Variants in MAST1 observed in about 807,000 individuals in gnomAD.
The protein encoded by MAST1 is microtubule associated serine/threonine kinase 1.
A neutral mutation model predicts 124.6 loss-of-function variants in MAST1; 40 were observed. The ratio of observed to expected loss-of-function variants is 0.32; its 90% CI spans 0.25 to 0.42. The LOEUF (loss-of-function observed/expected upper bound fraction) is 0.42, where lower values mean the gene tolerates loss of function less well. MAST1 is among the 10% of genes least tolerant of loss of function. The pLI is 1.00. For missense variants in MAST1, 1,558 were observed against 2,181.9 expected, an observed-to-expected ratio of 0.71 and a Z score of 5.70; for synonymous variants, 938 against 939.4, an observed-to-expected ratio of 1.00 and a Z score of 0.03.
In MAST1 at chr19:12,874,768, C is replaced by T. The variant is rs749072598; in HGVS notation, c.4611C>T (p.Thr1537=). ...CCGCATCCCTCTTGGGCTCAGGCACCAAGCCTCAAGTGGGGCTGACCTCCC... is the reference window on the plus strand; with the variant it reads ...CCGCATCCCTCTTGGGCTCAGGCACTAAGCCTCAAGTGGGGCTGACCTCCC... ...VPPASLLGSG[T]KPQVGLTSRC... Residue 1537 remains threonine (T), a synonymous_variant, in exon 26 of 26, where the codon ACC becomes ACT. Transcript: ENST00000251472. This position sits in a 1 kb window ranked among gnomAD's most constrained non-coding sequence, Gnocchi z 6.6. 22 of 1,604,720 alleles carry T rather than the reference C, an allele frequency of 1.4e-5. 1 individual carries two copies. The South Asian group carries it at 1.4e-4, about 10-fold the overall frequency.
chr19:12,864,921 C>T lies in MAST1; in HGVS notation c.1479C>T (p.Ile493=), dbSNP rs372662342. The T allele has an allele frequency of 6.2e-6, 10 of 1,614,020 alleles. No individual in the cohort carries two copies. The highest frequency in any genetic ancestry group is 4.0e-5 in the African/African-American group (3 of 74,914). ...LALEYLHNYG[I]VHRDLKPDNL... is the part of the protein sequence containing the mutation. ...TGGAGTATTTGCACAACTATGGCATCGTGCACCGCGACCTCAAGCCTGACA... is the reference window on the plus strand; with the variant it reads ...TGGAGTATTTGCACAACTATGGCATTGTGCACCGCGACCTCAAGCCTGACA... Residue 493 remains isoleucine, a synonymous_variant, in exon 13 of 26, where the codon ATC becomes ATT. Coordinates refer to ENST00000251472, the MANE Select transcript of MAST1 (RefSeq NM_014975.3).
In MAST1 at chr19:12,873,298, C is replaced by T. The variant is rs772365636; in HGVS notation, c.3264-26C>T. The T allele has an allele frequency of 3.1e-6, 5 of 1,603,062 alleles. No homozygotes were observed. The East Asian group carries it at 6.7e-5, about 22-fold the overall frequency. Reference sequence around the variant, plus strand: ...TGAGCTCTGGCGTCCAGGTCAAGGACGCTTGGCCCCCTCCCTGTCCCGCAG... The same window carrying T: ...TGAGCTCTGGCGTCCAGGTCAAGGATGCTTGGCCCCCTCCCTGTCCCGCAG... On this transcript the variant is annotated intron_variant, in intron 24 of 25. Coordinates refer to ENST00000251472, the MANE Select transcript of MAST1 (RefSeq NM_014975.3).
chr19:12,851,676 G>C (rs1190162664), intron 7 of MAST1, among the ~76,000 whole-genome samples: 1 of 152,074 alleles, frequency 6.6e-6, no homozygotes, highest in Non-Finnish European at 1.5e-5. Context: ...AGTGGAGATG[G>C]GGTTTCACCA....
chr19:12,874,395 G>C lies in MAST1; in HGVS notation c.4238G>C (p.Ser1413Thr). 6.3e-7 allele frequency: 1 copy of C among 1,598,770 alleles called. No homozygotes were observed. The highest frequency in any genetic ancestry group is 8.5e-7 in the Non-Finnish European group (1 of 1,179,176). ...MARAVAKAAL[S>T]PVQEHETGRR... is the part of the protein sequence containing the mutation. ...AGGGCTGTGGCCAAGGCGGCGCTGA[G>C]CCCGGTGCAGGAACACGAGACAGGC... The change falls in exon 26 of 26, where the codon AGC becomes ACC. Residue 1413 changes from serine to threonine, a missense_variant. Physicochemically the swap from Ser to Thr is moderately conservative, Grantham distance 58. Around this residue, in one of 10 missense-constraint regions of MAST1, gnomAD observed 263 missense variants for 310.9 expected, o/e 0.85. Coordinates refer to ENST00000251472, the MANE Select transcript of MAST1 (RefSeq NM_014975.3). The surrounding 1 kb of genome is among the most constrained non-coding windows in gnomAD (Gnocchi z 6.6).
In MAST1 at chr19:12,838,627, G is replaced by C. The variant is rs771320929; in HGVS notation, c.55G>C (p.Gly19Arg). The C allele has an allele frequency of 6.2e-7, 1 of 1,609,354 alleles. No individual in the cohort carries two copies. Among genetic ancestry groups the C allele is most frequent in the South Asian group, 1.1e-5 (1 of 90,462 alleles). Residue 19 changes from glycine to arginine, a missense_variant, in exon 1 of 26, where the codon GGC (glycine) becomes CGC (arginine). Physicochemically the swap from Gly to Arg is moderately radical, Grantham distance 125 (BLOSUM62 -2). Around this residue, in one of 10 missense-constraint regions of MAST1, gnomAD observed 42 missense variants for 54.6 expected, o/e 0.77. Transcript: ENST00000251472. This position sits in a 1 kb window ranked among gnomAD's most constrained non-coding sequence, Gnocchi z 4.3. ...TAATTTCTCGATGCCCTCCTTCCCC[G>C]GCGGCAGTATGTTCCGCCGCACCAA... ...LSNFSMPSFP[G>R]GSMFRRTKSC...
intron 22 of MAST1, 112 bp from the exon 23 acceptor site, chr19:12,870,712 G>A (rs1970222512): frequency 2.7e-6 from 3 of 1,118,140 alleles, no homozygotes; most frequent in East Asian, 2.5e-5. Flanking sequence ...ATTTCACAAG[G>A]TGTTATGAGG....
intron 12 of MAST1, among the ~76,000 whole-genome samples, chr19:12,860,641 T>G (rs1468773103): frequency 6.6e-6 from 1 of 151,336 alleles, no homozygotes; most frequent in East Asian, 2.0e-4. Flanking sequence ...AAATAGGGTT[T>G]TCACCATGTT....
intron 10 of MAST1, among the ~76,000 whole-genome samples, chr19:12,852,849 A>AAAAAAT (rs1555742583): frequency 1.1e-4 from 16 of 151,542 alleles, no homozygotes; most frequent in African/African-American, 3.2e-4. Flanking sequence ...AACTGTCTCA[A>AAAAAAT]AAAATAAAAT....
Position 12,867,727 on chromosome 19 carries a change from C to A in MAST1, c.2319-3C>A. The A allele has an allele frequency of 6.5e-7, 1 of 1,531,118 alleles. No homozygotes were observed. The highest frequency in any genetic ancestry group is 1.4e-5 in the African/African-American group (1 of 71,902). 94.8% of individuals were successfully genotyped at this position (1,531,118 alleles called of 1,614,324 possible). ...CTTCCATAACCACGCCCCCTCCATG[C>A]AGCAAGCGATTCTCCGCGTCCGAGG... On this transcript the variant is annotated splice_region_variant and splice_polypyrimidine_tract_variant and intron_variant, in intron 19 of 25. Transcript: ENST00000251472.
intron 25 of MAST1, 30 bp downstream of exon 25, chr19:12,873,541 G>A (rs573861522): frequency 1.3e-6 from 2 of 1,588,814 alleles, no homozygotes; most frequent in South Asian, 2.2e-5. Flanking sequence ...CGCGGGGACC[G>A]AGCAGCGCGG....
Position 12,866,201 on chromosome 19 carries a change from C to A in MAST1, c.2029+99C>A. On this transcript the variant is annotated intron_variant, in intron 17 of 25. Transcript: ENST00000251472. The surrounding 1 kb of genome is among the most constrained non-coding windows in gnomAD (Gnocchi z 5.2). ...CCTGGGATAGGGCCTGGCTAAGTAC[C>A]AAGATGTGATGCCTAGGTGCGAAGG... 7.9e-7 allele frequency: 1 copy of A among 1,266,790 alleles called. No homozygotes were observed. Among genetic ancestry groups the A allele is most frequent in the Non-Finnish European group, 1.0e-6 (1 of 959,524 alleles). The allele number at this position is 1,266,790 out of a possible 1,614,324, so 78.5% of individuals were successfully genotyped here.
Position 12,847,328 on chromosome 19 carries a change from C to T in MAST1, c.366C>T (p.Pro122=), listed in dbSNP as rs371598482. ...CCCAGGAGCGCCTTCACCAGCTGCC[C>T]TACCAGCCCACGGTGGACGAGCTCC... The part of the protein sequence containing the change: ...CSSQERLHQL[P]YQPTVDELHF... Residue 122 remains proline, a synonymous_variant, in exon 5 of 26, where the codon CCC becomes CCT. Coordinates refer to ENST00000251472, the MANE Select transcript of MAST1 (RefSeq NM_014975.3). This position sits in a 1 kb window ranked among gnomAD's most constrained non-coding sequence, Gnocchi z 5.5. The T allele has an allele frequency of 6.2e-7, 1 of 1,613,846 alleles. No homozygotes were observed. The highest frequency in any genetic ancestry group is 8.5e-7 in the Non-Finnish European group (1 of 1,180,014).
intron 12 of MAST1, among the ~76,000 whole-genome samples, chr19:12,862,360 C>G (rs952477205): frequency 1.3e-5 from 2 of 152,078 alleles, no homozygotes; most frequent in Admixed American, 6.6e-5. Flanking sequence ...GGTGTGATCA[C>G]AGCTTACTGC....
chr19:12,854,881 T>C (rs1970001605), intron 10 of MAST1, among the ~76,000 whole-genome samples: 1 of 152,176 alleles, frequency 6.6e-6, no homozygotes, highest in Non-Finnish European at 1.5e-5. Flanking sequence ...AGATGTCTAG[T>C]GGAGAGTCCT....
At chr19:12,869,372 A>T in intron 22 of MAST1, 77 bp downstream of exon 22, 1 of 1,165,610 alleles carries the variant, frequency 8.6e-7, no homozygotes, top group Non-Finnish European at 1.3e-6. Context: ...CAAACCAGTT[A>T]GCCTGGGTGA....
rs372310795 is a variant in MAST1 at position 12,843,491 on chromosome 19, G to A, written c.249-38G>A. 1.5e-5 allele frequency: 24 copies of A among 1,574,596 alleles called. No homozygotes were observed. Among genetic ancestry groups the A allele is most frequent in the South Asian group, 1.3e-4 (12 of 89,984 alleles). On this transcript the variant is annotated intron_variant, in intron 3 of 25. Coordinates refer to ENST00000251472, the MANE Select transcript of MAST1 (RefSeq NM_014975.3). This position sits in a 1 kb window ranked among gnomAD's most constrained non-coding sequence, Gnocchi z 4.9. The stretch of plus-strand genomic sequence containing the variant: ...ACCCTGAGGAGTTGGGGGACCGCTG[G>A]GGCCTTGTGGCCTCTGAGCACCTTG...
intron 12 of MAST1, among the ~76,000 whole-genome samples, chr19:12,862,737 G>C (rs1443460493): frequency 1.4e-5 from 2 of 147,448 alleles, no homozygotes; most frequent in Non-Finnish European, 1.5e-5. Context: ...ACGTGATCTT[G>C]GCTCACCGCA....
chr19:12,859,479 TG>T (rs1970054162), intron 12 of MAST1, among the ~76,000 whole-genome samples: 2 of 152,094 alleles, frequency 1.3e-5, no homozygotes, highest in Non-Finnish European at 2.9e-5. Context: ...CTCAAATGCC[TG>T]GGCTCAATCA....
rs2145908500 is a variant in MAST1, at chr19:12,866,744, C to T, written c.2121C>T (p.Cys707=). 2 of 1,613,628 alleles carry T rather than the reference C, an allele frequency of 1.2e-6. No individual in the cohort carries two copies. Among genetic ancestry groups the T allele is most frequent in the Non-Finnish European group, 8.5e-7 (1 of 1,179,826 alleles). Residue 707 remains cysteine, a synonymous_variant, in exon 18 of 26, where the codon TGC becomes TGT. Transcript: ENST00000251472. This position sits in a 1 kb window ranked among gnomAD's most constrained non-coding sequence, Gnocchi z 5.2. ...TGGAAATCCGCCAGTTCTCTTCCTG[C>T]TCTCCGCGCTTCAGCAAGGTGGGCC... ...EPVEIRQFSS[C]SPRFSKVYSS...
Sources: gnomAD v4.1 joint callset for allele counts (sites outside exome capture counted in the v4.1 genomes callset) on GRCh38, gnomAD v4.1.1 for gene constraint, gnomAD v4.1.1 regional missense constraint, Gnocchi (gnomAD v3.1) non-coding constraint, MANE v1.5 for transcripts, NCBI Gene and HGNC (gene_info 2026-07-23, HGNC 2026-07-21) for gene names.